NEK11: variants seen among roughly 807,000 people sequenced by gnomAD.
NEK11 encodes NIMA related kinase 11.
A neutral mutation model predicts 80.7 loss-of-function variants in NEK11; 72 were observed. The observed-to-expected ratio is 0.89, with a 90% CI of 0.74 to 1.08. The LOEUF (loss-of-function observed/expected upper bound fraction) is 1.08, where lower values mean the gene tolerates loss of function less well. NEK11 is among the 50% of genes least tolerant of loss of function. The probability of loss-of-function intolerance (pLI) is 0.00; values close to 1 mark genes in which losing one functional copy is unlikely to be tolerated. For missense variants in NEK11, 764 were observed against 763.6 expected (o/e 1.00, Z -0.01); for synonymous variants, 251 against 260.7 (o/e 0.96, Z 0.36).
At chr3:131,145,451 C>T (rs2087967328) in intron 7 of NEK11, among the ~76,000 whole-genome samples, 1 of 152,178 alleles carries the variant, frequency 6.6e-6, no homozygotes, top group Admixed American at 6.5e-5. Context: ...ACTTGTCTGC[C>T]TTCCTTTTTC....
intron 17 of NEK11, among the ~76,000 whole-genome samples, chr3:131,324,579 A>C (rs541503885): frequency 2.0e-5 from 3 of 152,370 alleles, no homozygotes; most frequent in African/African-American, 7.2e-5. Flanking sequence ...CAAAAATGAA[A>C]AAAAGTGTGG....
At chr3:131,153,911 G>A (rs766869793) in intron 9 of NEK11, among the ~76,000 whole-genome samples, 2 of 152,108 alleles carry the variant, frequency 1.3e-5, no homozygotes, top group Non-Finnish European at 2.9e-5. Context: ...GGGCTTTGGC[G>A]GTCAAAGGAA....
chr3:131,297,430 T>A (rs1419838250), intron 17 of NEK11, among the ~76,000 whole-genome samples: 2 of 151,860 alleles, frequency 1.3e-5, no homozygotes, highest in South Asian at 2.1e-4. Flanking sequence ...GAGCATTTTT[T>A]CATGTGTTTT....
intron 17 of NEK11, among the ~76,000 whole-genome samples, chr3:131,305,407 G>T (rs1030511764): frequency 1.3e-5 from 2 of 152,112 alleles, no homozygotes; most frequent in Non-Finnish European, 2.9e-5. Flanking sequence ...AGCAGGCATG[G>T]TGAGGGTGGG....
At chr3:131,124,781 G>A (rs1487773997) in intron 5 of NEK11, among the ~76,000 whole-genome samples, 3 of 152,210 alleles carry the variant, frequency 2.0e-5, no homozygotes, top group Non-Finnish European at 2.9e-5. Context: ...TAAGAAGGCA[G>A]TAGAAAATAG....
At chr3:131,221,476 C>A (rs1284133926) in intron 14 of NEK11, among the ~76,000 whole-genome samples, 4 of 151,998 alleles carry the variant, frequency 2.6e-5, no homozygotes, top group Admixed American at 2.0e-4. Context: ...TTCTGGGGAC[C>A]ACCCTTTAAG....
intron 17 of NEK11, among the ~76,000 whole-genome samples, chr3:131,336,317 T>A (rs7638259): frequency 0.12 from 18,208 of 152,066 alleles, 1,549 homozygotes; most frequent in East Asian, 0.3. Context: ...AACGCCGCAT[T>A]TCTACAACTA....
chr3:131,106,289 T>C lies in NEK11; in HGVS notation c.337-3514T>C, dbSNP rs2079168197. On this transcript the variant is annotated intron_variant, in intron 4 of 17. Transcript: ENST00000383366. ...TTTTATTTCTATCCTGTTAGGGCTT[T>C]TTTTTTTTTTTTCCCATCCTTCGTA... 4.0e-5 allele frequency among the ~76,000 whole-genome samples: 6 copies of C among 149,366 alleles called. No individual in the cohort carries two copies. In the South Asian group the frequency reaches 1.3e-3, roughly 31 times the overall value.
At chr3:131,336,985 G>A (rs1299679087) in intron 17 of NEK11, among the ~76,000 whole-genome samples, 4 of 151,994 alleles carry the variant, frequency 2.6e-5, no homozygotes, top group Non-Finnish European at 5.9e-5. Context: ...GAGAGGATGT[G>A]GAGAAATAGG....
intron 15 of NEK11, among the ~76,000 whole-genome samples, chr3:131,236,829 G>A (rs2095439075): frequency 6.6e-6 from 1 of 152,206 alleles, no homozygotes; most frequent in South Asian, 2.1e-4. Context: ...GTGCTAAACG[G>A]CATCTTCTGC....
In NEK11 at chr3:131,110,015, C is replaced by T. The variant is rs536643760; in HGVS notation, c.455+94C>T. The T allele has an allele frequency of 3.7e-6, 5 of 1,357,544 alleles. No homozygotes were observed. The Admixed American group carries it at 1.3e-4, about 36-fold the overall frequency. 84.1% of individuals were successfully genotyped at this position (1,357,544 alleles called of 1,614,324 possible). ...TTTTTTTTCTATAATTGAAAGAAAA[C>T]AAGTTCAAAAGGTATATGGCTAAAA... is the stretch of plus-strand genomic sequence containing the variant. On this transcript the variant is annotated intron_variant, in intron 5 of 17. Transcript: ENST00000383366.
At chr3:131,300,016 T>C (rs1436360601) in intron 17 of NEK11, among the ~76,000 whole-genome samples, 1 of 152,252 alleles carries the variant, frequency 6.6e-6, no homozygotes. Context: ...GCATTCCCTT[T>C]TCTCTGCATC....
At chr3:131,348,204 T>A (rs1200841774) in intron 17 of NEK11, among the ~76,000 whole-genome samples, 1 of 152,096 alleles carries the variant, frequency 6.6e-6, no homozygotes, top group African/African-American at 2.4e-5. Flanking sequence ...AATATTCCCC[T>A]AAAATGTAAA....
intron 10 of NEK11, among the ~76,000 whole-genome samples, chr3:131,158,413 A>G (rs551616693): frequency 5.4e-4 from 81 of 151,346 alleles, no homozygotes; most frequent in African/African-American, 1.9e-3. Context: ...ATCCCACCTC[A>G]CCTCCCCTGC....
intron 15 of NEK11, among the ~76,000 whole-genome samples, chr3:131,233,616 G>A (rs143516380): frequency 1.1e-4 from 17 of 152,308 alleles, no homozygotes; most frequent in African/African-American, 3.6e-4. Flanking sequence ...GACTTTTACT[G>A]AATGCTCCAG....
intron 17 of NEK11, among the ~76,000 whole-genome samples, chr3:131,289,644 T>C (rs2096523098): frequency 6.6e-6 from 1 of 152,176 alleles, no homozygotes; most frequent in Non-Finnish European, 1.5e-5. Context: ...GGACAAGCCT[T>C]ATGCTCTCCC....
At chr3:131,077,684 C>G (rs1031529301) in intron 3 of NEK11, among the ~76,000 whole-genome samples, 2 of 152,162 alleles carry the variant, frequency 1.3e-5, no homozygotes, top group Admixed American at 6.5e-5. Context: ...ACTTTTATAA[C>G]TGCATGCTAG....
At chr3:131,345,720 A>G (rs1368487919) in intron 17 of NEK11, among the ~76,000 whole-genome samples, 1 of 152,188 alleles carries the variant, frequency 6.6e-6, no homozygotes, top group Non-Finnish European at 1.5e-5. Context: ...CCCCATAAAG[A>G]TATCTCCCAT....
chr3:131,208,539 A>C (rs914323964), intron 14 of NEK11, among the ~76,000 whole-genome samples: 1 of 152,302 alleles, frequency 6.6e-6, no homozygotes, highest in Middle Eastern at 3.4e-3. Flanking sequence ...CATTGAATCT[A>C]TAAATTACCT....
Sources: allele counts gnomAD v4.1 joint callset (sites outside exome capture counted in the v4.1 genomes callset), GRCh38; gene constraint gnomAD v4.1.1; transcripts MANE v1.5; gene names NCBI Gene and HGNC (gene_info 2026-07-23, HGNC 2026-07-21).